XPO7: variants seen among roughly 807,000 people sequenced by gnomAD.
XPO7 encodes exportin-7.
Under a neutral mutation model 144.3 loss-of-function variants are expected in XPO7, and 21 were observed. That is an observed-to-expected ratio of 0.15 (90% CI 0.10 to 0.21). The LOEUF is 0.21. Ranked by LOEUF, XPO7 falls within the 10% of genes least tolerant of loss-of-function variation. The probability of loss-of-function intolerance (pLI) is 1.00; values close to 1 mark genes in which losing one functional copy is unlikely to be tolerated. For synonymous variants in XPO7, 580 were observed against 499.6 expected, an observed-to-expected ratio of 1.16 and a Z score of -2.15; for missense variants, 808 against 1,325.8, an observed-to-expected ratio of 0.61 and a Z score of 6.06.
intron 1 of XPO7, among the ~76,000 whole-genome samples, chr8:21,957,850 A>G (rs1157697674): frequency 2.1e-4 from 32 of 149,902 alleles, no homozygotes; most frequent in Admixed American, 2.1e-3. Flanking sequence ...CAGCTTTCAC[A>G]CTGTAAACAA....
intron 5 of XPO7, among the ~76,000 whole-genome samples, chr8:21,974,087 G>GACAGGATCTC (rs56340198): frequency 0.58 from 87,259 of 151,626 alleles, 25,783 homozygotes; most frequent in African/African-American, 0.73. Context: ...GTGTTTAAGA[G>GACAGGATCTC]ACTCTGCTGC....
intron 2 of XPO7, among the ~76,000 whole-genome samples, chr8:21,967,998 A>G (rs907508560): frequency 3.3e-5 from 5 of 152,230 alleles, no homozygotes; most frequent in Non-Finnish European, 7.3e-5. Context: ...AAGTGGCAAC[A>G]TAAAGTGCAG....
chr8:21,921,435 C>G (rs144100369), intron 1 of XPO7: 2 of 152,134 alleles, frequency 1.3e-5, no homozygotes. Context: ...AATAGATAGC[C>G]TTTGTGAACC....
At chr8:21,990,606 A>C in intron 17 of XPO7, 199 bp downstream of exon 17, 1 of 718,070 alleles carries the variant, frequency 1.4e-6, no homozygotes, top group Non-Finnish European at 2.3e-6. Context: ...GTTATGGTGA[A>C]GTCACCTACT....
intron 15 of XPO7, among the ~76,000 whole-genome samples, 154 bp downstream of exon 15, chr8:21,988,011 T>G (rs1812637945): frequency 1.3e-5 from 2 of 152,214 alleles, no homozygotes; most frequent in African/African-American, 4.8e-5. Flanking sequence ...AAGCTGTGCT[T>G]AGAGATATGG....
intron 1 of XPO7, among the ~76,000 whole-genome samples, chr8:21,953,348 C>T (rs1212955685): frequency 6.6e-6 from 1 of 152,142 alleles, no homozygotes; most frequent in Admixed American, 6.5e-5. Flanking sequence ...TCCAGGATGT[C>T]ATATAGTAGT....
chr8:21,950,426 A>G (rs1406372585), intron 1 of XPO7, among the ~76,000 whole-genome samples: 1 of 152,228 alleles, frequency 6.6e-6, no homozygotes, highest in Admixed American at 6.5e-5. Flanking sequence ...AAAGAGAACA[A>G]AAGTGAGAAT....
chr8:21,987,029 G>A, intron 13 of XPO7, 112 bp from the exon 14 acceptor site: 2 of 1,473,236 alleles, frequency 1.4e-6, no homozygotes, highest in Non-Finnish European at 1.8e-6. Flanking sequence ...TTGGTTGCAG[G>A]AGGTTGCTGT....
intron 1 of XPO7, among the ~76,000 whole-genome samples, chr8:21,965,270 A>G (rs1440520600): frequency 6.6e-6 from 1 of 152,100 alleles, no homozygotes; most frequent in African/African-American, 2.4e-5. Context: ...AACTGATTCA[A>G]TTCTCAATAA....
At chr8:21,925,664 A>G (rs1286753024) in intron 1 of XPO7, among the ~76,000 whole-genome samples, 3 of 152,154 alleles carry the variant, frequency 2.0e-5, no homozygotes, top group East Asian at 3.9e-4. Context: ...GTGTTATGCC[A>G]TTTAATTGGG....
In XPO7 at chr8:21,967,014, T is replaced by G; in HGVS notation, c.165+11T>G. The G allele has an allele frequency of 6.2e-7, 1 of 1,611,108 alleles. No homozygotes were observed. The highest frequency in any genetic ancestry group is 8.5e-7 in the Non-Finnish European group (1 of 1,178,392). On this transcript the variant is annotated intron_variant, in intron 2 of 27. Coordinates refer to ENST00000252512, the MANE Select transcript of XPO7 (RefSeq NM_015024.5). ...CTCGAAAGAGGAAGTGTGCGTAAGA[T>G]CTGAAAATCCTAAAGGATAACAGGC... is the stretch of plus-strand genomic sequence containing the variant.
At chr8:21,956,921 C>T (rs1317442410) in intron 1 of XPO7, among the ~76,000 whole-genome samples, 1 of 152,074 alleles carries the variant, frequency 6.6e-6, no homozygotes, top group Non-Finnish European at 1.5e-5. Flanking sequence ...CTTCAGATTT[C>T]TGATAATACT....
intron 8 of XPO7, among the ~76,000 whole-genome samples, chr8:21,978,668 G>A (rs1294871043): frequency 6.6e-6 from 1 of 152,202 alleles, no homozygotes; most frequent in African/African-American, 2.4e-5. Context: ...GGGTGGTGGT[G>A]CATGCCCCTG....
At position 21,977,854 on chromosome 8, in the gene XPO7, A is replaced by T. The variant is rs777585428; in HGVS notation, c.837+11A>T. The T allele has an allele frequency of 1.2e-6, 2 of 1,612,284 alleles. No individual in the cohort carries two copies. Among genetic ancestry groups the T allele is most frequent in the Non-Finnish European group, 1.7e-6 (2 of 1,178,702 alleles). The stretch of plus-strand genomic sequence containing the variant: ...TCATTTTCACCTCTGGTGAGTCAGG[A>T]CTACCGTTTCTTAAAGCAAACCTAT... On this transcript the variant is annotated intron_variant, in intron 8 of 27. Coordinates refer to ENST00000252512, the MANE Select transcript of XPO7 (RefSeq NM_015024.5).
At chr8:21,982,341 T>C (rs187457044) in intron 10 of XPO7, among the ~76,000 whole-genome samples, 42 of 152,254 alleles carry the variant, frequency 2.8e-4, no homozygotes, top group African/African-American at 9.6e-4. Flanking sequence ...GCCTTGGTGT[T>C]TCTAACAAGT....
chr8:21,956,736 T>G (rs1811547817), intron 1 of XPO7, among the ~76,000 whole-genome samples: 1 of 149,558 alleles, frequency 6.7e-6, no homozygotes, highest in African/African-American at 2.4e-5. Context: ...TTGAATGTCT[T>G]TTTTTTTTTT....
chr8:21,933,365 G>A (rs1289979412), intron 1 of XPO7, among the ~76,000 whole-genome samples: 1 of 152,040 alleles, frequency 6.6e-6, no homozygotes, highest in African/African-American at 2.4e-5. Flanking sequence ...CTCCCAAAGT[G>A]CTGGGATTAC....
intron 21 of XPO7, 115 bp from the exon 22 acceptor site, chr8:21,998,640 T>TA: frequency 1.3e-6 from 1 of 763,552 alleles, no homozygotes; most frequent in African/African-American, 1.8e-5. Flanking sequence ...GATAGGCAAT[T>TA]GCTTACCTTA....
intron 4 of XPO7, among the ~76,000 whole-genome samples, chr8:21,971,575 T>G (rs1812064693): frequency 6.6e-6 from 1 of 152,242 alleles, no homozygotes; most frequent in Admixed American, 6.5e-5. Context: ...TGTCATTTAC[T>G]TTAGTGATGT....
Sources: allele counts gnomAD v4.1 joint callset (sites outside exome capture counted in the v4.1 genomes callset), GRCh38; gene constraint gnomAD v4.1.1; transcripts MANE v1.5; gene names NCBI Gene and HGNC (gene_info 2026-07-23, HGNC 2026-07-21).